Variants in GPC5 observed in about 807,000 individuals in gnomAD.
The protein encoded by GPC5 is glypican 5.
In GPC5, 47 loss-of-function variants were observed where a neutral mutation model predicts 53.9. The observed-to-expected ratio is 0.87, with a 90% confidence interval of 0.69 to 1.11. GPC5 has a LOEUF of 1.11. GPC5 is among the 50% of genes most tolerant of loss of function. GPC5 has a pLI of 0.00. For missense variants in GPC5, 748 were observed against 713.1 expected (o/e 1.05, Z -0.56); for synonymous variants, 286 against 263.3 (o/e 1.09, Z -0.84).
rs759560763 is a variant in GPC5, at chr13:92,726,658, CCT to C, written c.1562-139623_1562-139622del. 3.3e-5 allele frequency among the ~76,000 whole-genome samples: 5 copies of C among 151,648 alleles called. No individual in the cohort carries two copies. The East Asian group carries it at 7.8e-4, about 24-fold the overall frequency. On this transcript the variant is annotated intron_variant, in intron 7 of 7. Transcript: ENST00000377067. ...TCTTGATAGGTGATCACATCTTGTT[CCT>C]GATCATATGTTACTTGCCTTTGATC...
chr13:92,211,665 GC>G (rs1198787782), intron 7 of GPC5, among the ~76,000 whole-genome samples: 3 of 152,188 alleles, frequency 2.0e-5, no homozygotes, highest in Admixed American at 2.0e-4. Context: ...TCAGGAGAGA[GC>G]CCCAGCAATC....
chr13:91,705,878 C>T (rs1371553113), intron 3 of GPC5, among the ~76,000 whole-genome samples: 7 of 137,604 alleles, frequency 5.1e-5, no homozygotes, highest in African/African-American at 9.0e-5. Context: ...TTTTTTCTTT[C>T]TTTTCTTTTT....
intron 2 of GPC5, among the ~76,000 whole-genome samples, chr13:91,522,546 T>A (rs138903066): frequency 2.5e-4 from 38 of 152,316 alleles, no homozygotes; most frequent in African/African-American, 8.7e-4. Context: ...TACTTTAAGT[T>A]CTAGGGTACA....
At chr13:91,931,351 A>G (rs1207365002) in intron 6 of GPC5, among the ~76,000 whole-genome samples, 4 of 152,108 alleles carry the variant, frequency 2.6e-5, no homozygotes. Context: ...TGAAGATAGT[A>G]TGATCTAAAT....
At chr13:92,077,719 G>A (rs751192071) in intron 6 of GPC5, among the ~76,000 whole-genome samples, 10 of 152,156 alleles carry the variant, frequency 6.6e-5, no homozygotes, top group Non-Finnish European at 1.0e-4. Context: ...CAGAAAGTCT[G>A]CAAATGTGTG....
At chr13:92,314,770 A>T (rs544665664) in intron 7 of GPC5, among the ~76,000 whole-genome samples, 1 of 152,140 alleles carries the variant, frequency 6.6e-6, no homozygotes, top group East Asian at 1.9e-4. Flanking sequence ...CTCTATTTTT[A>T]TTTTTATTTA....
At chr13:92,557,336 C>A (rs1882531363) in intron 7 of GPC5, among the ~76,000 whole-genome samples, 1 of 151,858 alleles carries the variant, frequency 6.6e-6, no homozygotes, top group Non-Finnish European at 1.5e-5. Flanking sequence ...TACGTAGATT[C>A]TTTAGTAGGA....
At chr13:91,898,501 T>A (rs1398823299) in intron 5 of GPC5, among the ~76,000 whole-genome samples, 1 of 152,188 alleles carries the variant, frequency 6.6e-6, no homozygotes, top group East Asian at 1.9e-4. Context: ...TGTTTTATAG[T>A]GCTTGTGCCT....
chr13:92,657,579 GTTTTTTTTT>G (rs67038073), intron 7 of GPC5, among the ~76,000 whole-genome samples: 68 of 106,728 alleles, frequency 6.4e-4, no homozygotes, highest in Non-Finnish European at 1.1e-3. Context: ...AGGTTTTTTG[GTTTTTTTTT>G]TTTTTTTTTT....
intron 7 of GPC5, among the ~76,000 whole-genome samples, chr13:92,416,644 T>G (rs1006106659): frequency 6.6e-6 from 1 of 152,104 alleles, no homozygotes; most frequent in African/African-American, 2.4e-5. Flanking sequence ...GAATAAATCT[T>G]TGTAATTTAG....
chr13:91,444,063 G>T (rs1409433451), intron 1 of GPC5, among the ~76,000 whole-genome samples: 1 of 151,746 alleles, frequency 6.6e-6, no homozygotes, highest in Admixed American at 6.6e-5. Flanking sequence ...TCTCACTTTG[G>T]TATTTGTTGT....
At chr13:92,289,422 G>T (rs144126326) in intron 7 of GPC5, among the ~76,000 whole-genome samples, 2 of 151,696 alleles carry the variant, frequency 1.3e-5, no homozygotes, top group South Asian at 4.2e-4. Context: ...TCTCAATAAC[G>T]TGAATTAAGG....
chr13:91,820,300 C>G (rs190353889), intron 5 of GPC5, among the ~76,000 whole-genome samples: 97 of 152,110 alleles, frequency 6.4e-4, no homozygotes, highest in Middle Eastern at 3.4e-3. Context: ...AAAATTTAGT[C>G]TTTACCCTAG....
At chr13:91,839,699 T>G (rs533271629) in intron 5 of GPC5, among the ~76,000 whole-genome samples, 35 of 152,250 alleles carry the variant, frequency 2.3e-4, no homozygotes, top group African/African-American at 8.4e-4. Context: ...CCCATTATCC[T>G]ACTGTGTTGG....
chr13:91,971,278 T>G (rs561183834), intron 6 of GPC5, among the ~76,000 whole-genome samples: 13,686 of 152,166 alleles, frequency 0.09, 2,096 homozygotes, highest in African/African-American at 0.31. Flanking sequence ...TATTCTCTGA[T>G]GGTCGTTTGT....
chr13:92,402,991 G>A (rs75367855), intron 7 of GPC5, among the ~76,000 whole-genome samples: 1,747 of 152,156 alleles, frequency 0.011, 34 homozygotes, highest in African/African-American at 0.039. Flanking sequence ...TCTTTCGAAC[G>A]ATTACCTGAG....
At chr13:91,654,328 G>T (rs1266397066) in intron 2 of GPC5, among the ~76,000 whole-genome samples, 2 of 152,096 alleles carry the variant, frequency 1.3e-5, no homozygotes, top group Non-Finnish European at 2.9e-5. Flanking sequence ...TCATTACATT[G>T]ACCACTGTAT....
At chr13:92,225,518 G>C (rs2042478772) in intron 7 of GPC5, among the ~76,000 whole-genome samples, 1 of 152,150 alleles carries the variant, frequency 6.6e-6, no homozygotes, top group African/African-American at 2.4e-5. Context: ...AAATATAGCA[G>C]TTGAATTTTA....
At position 91,953,627 on chromosome 13, in the gene GPC5, A is replaced by G. The variant is rs11842194; in HGVS notation, c.1401+45570A>G. On this transcript the variant is annotated intron_variant, in intron 6 of 7. Coordinates refer to ENST00000377067, the MANE Select transcript of GPC5 (RefSeq NM_004466.6). Reference sequence around the variant, plus strand: ...GGGCTGCTATAATAAAATACAATAGATTGGTTAGCTTATAAACAAAATAAC... The same window carrying G: ...GGGCTGCTATAATAAAATACAATAGGTTGGTTAGCTTATAAACAAAATAAC... Among the ~76,000 whole-genome samples the G allele has an allele frequency of 2.4e-3, 366 of 152,334 alleles. 3 individuals are homozygous for G. The highest frequency in any genetic ancestry group is 7.8e-3 in the African/African-American group (324 of 41,590).
Sources: allele counts gnomAD v4.1 joint callset (sites outside exome capture counted in the v4.1 genomes callset), GRCh38; gene constraint gnomAD v4.1.1; transcripts MANE v1.5; gene names NCBI Gene and HGNC (gene_info 2026-07-23, HGNC 2026-07-21).